The following NARS2 variants were observed in gnomAD, a reference collection of about 807,000 sequenced individuals.
NARS2 encodes asparaginyl-tRNA synthetase.
Under a neutral mutation model 62.9 loss-of-function variants are expected in NARS2, and 60 were observed. The observed-to-expected ratio is 0.95, with a 90% CI of 0.77 to 1.18. The LOEUF (loss-of-function observed/expected upper bound fraction) is 1.18, where lower values mean the gene tolerates loss of function less well. Among genes scored for constraint, NARS2 ranks in the 50% most tolerant of loss-of-function variants. The pLI, the probability that NARS2 is intolerant of heterozygous loss-of-function variation, is 0.00. For missense variants in NARS2, 619 were observed against 576.4 expected (o/e 1.07, Z -0.76); for synonymous variants, 196 against 200.0 (o/e 0.98, Z 0.17).
At chr11:78,514,210 C>A (rs1302820092) in intron 6 of NARS2, among the ~76,000 whole-genome samples, 1 of 152,284 alleles carries the variant, frequency 6.6e-6, no homozygotes, top group African/African-American at 2.4e-5. Flanking sequence ...GCAGCCTCGA[C>A]CTCCTGGACT....
In NARS2 at chr11:78,566,221, A is replaced by G. The variant is rs2135534150; in HGVS notation, c.424T>C (p.Tyr142His). ...ERHPLEYLRQ[Y>H]PHFRCRTNVL... ...TTAGTCCTACACCTAAAGTGAGGAT[A>G]TTGTCGCAGATACTCCAGAGGATGC... Residue 142 changes from tyrosine (Y) to histidine (H), a missense_variant, in exon 4 of 14, where the codon TAT (tyrosine) becomes CAT (histidine). Tyr to His is a moderately conservative substitution (Grantham distance 83, BLOSUM62 2). Coordinates refer to ENST00000281038, the MANE Select transcript of NARS2 (RefSeq NM_024678.6). 6.2e-7 allele frequency: 1 copy of G among 1,612,158 alleles called. No individual in the cohort carries two copies. The highest frequency in any genetic ancestry group is 8.5e-7 in the Non-Finnish European group (1 of 1,178,598).
At chr11:78,478,290 G>GTGTCTATATATAGACATATAATA (rs1859191469) in intron 9 of NARS2, 148 bp downstream of exon 9, 1 of 250,260 alleles carries the variant, frequency 4.0e-6, no homozygotes, top group Middle Eastern at 1.5e-3. Context: ...AATCTGGGGA[G>GTGTCTATATATAGACATATAATA]TGTCTATATA....
At chr11:78,554,508 CGTGTGTGT>C (rs71046981) in intron 5 of NARS2, among the ~76,000 whole-genome samples, 12 of 147,016 alleles carry the variant, frequency 8.2e-5, no homozygotes, top group African/African-American at 1.8e-4. Flanking sequence ...GGCGTGTGTG[CGTGTGTGT>C]GTGTGTGTGT....
intron 11 of NARS2, among the ~76,000 whole-genome samples, chr11:78,449,473 C>A (rs1009905018): frequency 1.3e-5 from 2 of 151,750 alleles, no homozygotes; most frequent in Admixed American, 1.3e-4. Context: ...GGTAGGATAG[C>A]TACGTTAAAA....
At chr11:78,445,530 A>T (rs887124767) in intron 11 of NARS2, among the ~76,000 whole-genome samples, 2 of 152,198 alleles carry the variant, frequency 1.3e-5, no homozygotes, top group Admixed American at 6.5e-5. Context: ...CTGAGGCACG[A>T]AGAATTGCTT....
chr11:78,471,622 G>A (rs956974176), intron 9 of NARS2, among the ~76,000 whole-genome samples: 21 of 150,996 alleles, frequency 1.4e-4, no homozygotes, highest in African/African-American at 4.9e-4. Context: ...CCATGCTGGT[G>A]CGCTGCACCC....
At chr11:78,514,459 C>T (rs1388028324) in intron 6 of NARS2, among the ~76,000 whole-genome samples, 4 of 152,146 alleles carry the variant, frequency 2.6e-5, no homozygotes, top group Admixed American at 2.6e-4. Flanking sequence ...TTGCCTAACA[C>T]ATCTCACTAC....
chr11:78,440,665 T>C (rs565610011), intron 13 of NARS2, among the ~76,000 whole-genome samples: 3 of 152,042 alleles, frequency 2.0e-5, no homozygotes, highest in African/African-American at 4.8e-5. Context: ...CCCAAGTAGG[T>C]GGGATTACAG....
intron 9 of NARS2, among the ~76,000 whole-genome samples, chr11:78,472,402 T>G (rs1858913875): frequency 6.6e-6 from 1 of 152,144 alleles, no homozygotes; most frequent in Non-Finnish European, 1.5e-5. Flanking sequence ...ATTGCTCAAC[T>G]ACAAAGATAA....
Position 78,574,583 on chromosome 11 carries a change from G to A in NARS2, c.-95C>T. The A allele has an allele frequency of 7.2e-7, 1 of 1,391,720 alleles. No individual in the cohort carries two copies. The highest frequency in any genetic ancestry group is 9.5e-7 in the Non-Finnish European group (1 of 1,047,498). The allele number at this position is 1,391,720 out of a possible 1,614,324, so 86.2% of individuals were successfully genotyped here. A position where few individuals can be genotyped will look rare whatever the true frequency, so the allele number is the denominator to read the frequency against. ...CTCCTTTCTCAGCTGCTCCCCTTCC[G>A]CGGCCGCAGCTCTGCTCTAAGGCAC... On this transcript the variant is annotated 5_prime_UTR_variant, in exon 1 of 14. Transcript: ENST00000281038.
intron 6 of NARS2, among the ~76,000 whole-genome samples, chr11:78,515,687 A>T (rs7124709): frequency 7.1e-6 from 1 of 141,586 alleles, no homozygotes; most frequent in Admixed American, 7.1e-5. Context: ...CTGGCTGATT[A>T]AAAAAAAAAA....
At chr11:78,476,984 G>T (rs573366779) in intron 9 of NARS2, among the ~76,000 whole-genome samples, 1 of 152,154 alleles carries the variant, frequency 6.6e-6, no homozygotes, top group South Asian at 2.1e-4. Context: ...TCCATCTGTA[G>T]AATGAGAATA....
chr11:78,552,958 C>T (rs965171797), intron 5 of NARS2, among the ~76,000 whole-genome samples: 3 of 152,164 alleles, frequency 2.0e-5, no homozygotes, highest in Non-Finnish European at 4.4e-5. Flanking sequence ...CTTTATATTC[C>T]TCCGGGTATA....
At chr11:78,481,972 A>G (rs921818005) in intron 7 of NARS2, among the ~76,000 whole-genome samples, 2 of 152,172 alleles carry the variant, frequency 1.3e-5, no homozygotes, top group African/African-American at 4.8e-5. Flanking sequence ...TAAGAACTGG[A>G]GTAGCAAATC....
intron 6 of NARS2, among the ~76,000 whole-genome samples, chr11:78,516,706 A>G (rs1451915580): frequency 1.3e-5 from 2 of 152,234 alleles, no homozygotes; most frequent in African/African-American, 4.8e-5. Flanking sequence ...GGAACAAGAT[A>G]CAGATTAAGG....
intron 5 of NARS2, among the ~76,000 whole-genome samples, chr11:78,551,733 C>A (rs1856124586): frequency 6.6e-6 from 1 of 152,092 alleles, no homozygotes; most frequent in African/African-American, 2.4e-5. Context: ...CGCCTGTAAT[C>A]CCAGCTATTT....
At chr11:78,492,708 G>A (rs1242794168) in intron 7 of NARS2, among the ~76,000 whole-genome samples, 3 of 152,118 alleles carry the variant, frequency 2.0e-5, no homozygotes, top group African/African-American at 7.2e-5. Context: ...GAACCTGCTT[G>A]TGTTCCAGAC....
intron 5 of NARS2, among the ~76,000 whole-genome samples, chr11:78,540,715 T>C (rs1855580031): frequency 6.6e-6 from 1 of 152,212 alleles, no homozygotes; most frequent in Non-Finnish European, 1.5e-5. Context: ...CAATCTGCAA[T>C]TTCCTTTGAA....
intron 5 of NARS2, among the ~76,000 whole-genome samples, chr11:78,532,587 AC>A (rs1253073824): frequency 3.3e-5 from 5 of 152,374 alleles, no homozygotes; most frequent in South Asian, 2.1e-4. Flanking sequence ...CCTAGCTCAT[AC>A]GGGCAAGTCA....
Sources: allele counts gnomAD v4.1 joint callset (sites outside exome capture counted in the v4.1 genomes callset), GRCh38; gene constraint gnomAD v4.1.1; transcripts MANE v1.5; gene names NCBI Gene and HGNC (gene_info 2026-07-23, HGNC 2026-07-21).